INPP4B: variants seen among roughly 807,000 people sequenced by gnomAD.
INPP4B encodes the protein inositol polyphosphate 4-phosphatase type II.
Under a neutral mutation model 122.5 loss-of-function variants are expected in INPP4B, and 55 were observed. The observed-to-expected ratio is 0.45, with a 90% CI of 0.36 to 0.56. The LOEUF is 0.56. Among genes scored for constraint, INPP4B ranks in the 20% least tolerant of loss-of-function variants. The pLI is 0.00. For missense variants in INPP4B, 1,000 were observed against 1,097.7 expected, an observed-to-expected ratio of 0.91 and a Z score of 1.26; for synonymous variants, 403 against 388.7, an observed-to-expected ratio of 1.04 and a Z score of -0.43.
intron 2 of INPP4B, among the ~76,000 whole-genome samples, chr4:142,488,203 A>G (rs1165717500): frequency 6.6e-6 from 1 of 152,076 alleles, no homozygotes; most frequent in Admixed American, 6.6e-5. Context: ...ACAATACATG[A>G]TTAATTTTTA....
rs73850524 is a variant in INPP4B at position 142,646,099 on chromosome 4, C to T, written c.-191+79740G>A. 4.5e-3 allele frequency among the ~76,000 whole-genome samples: 692 copies of T among 152,172 alleles called. 7 individuals are homozygous for T. Among genetic ancestry groups the T allele is most frequent in the African/African-American group, 0.016 (665 of 41,498 alleles). The stretch of plus-strand genomic sequence containing the variant: ...CAAGAGCACCTTTTTGGATGATGGA[C>T]CCTTGCTATATTTTGTTTGTAGTCA... On this transcript the variant is annotated intron_variant, in intron 2 of 25. Coordinates refer to ENST00000262992, the MANE Select transcript of INPP4B (RefSeq NM_001101669.3).
At chr4:142,410,963 A>C (rs72944962) in intron 5 of INPP4B, among the ~76,000 whole-genome samples, 2,262 of 152,248 alleles carry the variant, frequency 0.015, 52 homozygotes, top group African/African-American at 0.052. Context: ...TTAAATATAT[A>C]CCTGTGATTT....
intron 11 of INPP4B, among the ~76,000 whole-genome samples, chr4:142,245,972 ACATG>A (rs1728217962): frequency 4.4e-5 from 1 of 22,538 alleles, no homozygotes; most frequent in Non-Finnish European, 1.1e-4. Context: ...ATGTATACAC[ACATG>A]TGTGTATGTA....
At chr4:142,644,526 T>G (rs1236067465) in intron 2 of INPP4B, among the ~76,000 whole-genome samples, 1 of 151,884 alleles carries the variant, frequency 6.6e-6, no homozygotes, top group East Asian at 1.9e-4. Flanking sequence ...GGTATTATTG[T>G]CAACTAGCTT....
intron 3 of INPP4B, among the ~76,000 whole-genome samples, chr4:142,452,119 G>T (rs1164384020): frequency 2.0e-5 from 3 of 152,284 alleles, no homozygotes; most frequent in African/African-American, 7.2e-5. Context: ...TGATCTCATT[G>T]TTCAGTTCCC....
chr4:142,377,731 G>T lies in INPP4B; in HGVS notation c.372+25207C>A, dbSNP rs555300254. Among the ~76,000 whole-genome samples the T allele has an allele frequency of 8.5e-5, 13 of 152,218 alleles. No homozygotes were observed. In the South Asian group the frequency reaches 2.7e-3, roughly 32 times the overall value. On this transcript the variant is annotated intron_variant, in intron 7 of 25. Coordinates refer to ENST00000262992, the MANE Select transcript of INPP4B (RefSeq NM_001101669.3). ...TCAAAAAAATACTCAAGAAATGAAT[G>T]TTGGACTATCAGAATGCAGAGTATT... is the stretch of plus-strand genomic sequence containing the variant.
At chr4:142,210,799 A>C (rs1844552812) in intron 12 of INPP4B, among the ~76,000 whole-genome samples, 1 of 152,196 alleles carries the variant, frequency 6.6e-6, no homozygotes, top group African/African-American at 2.4e-5. Context: ...TTATTATCAG[A>C]AAGAATAAGT....
intron 2 of INPP4B, among the ~76,000 whole-genome samples, chr4:142,490,337 C>T (rs1821725469): frequency 6.6e-6 from 1 of 152,140 alleles, no homozygotes; most frequent in African/African-American, 2.4e-5. Context: ...GATCCTCCAG[C>T]ATTGGCCTCC....
intron 2 of INPP4B, among the ~76,000 whole-genome samples, chr4:142,552,430 T>TA (rs560749007): frequency 0.025 from 3,591 of 144,020 alleles, 117 homozygotes; most frequent in African/African-American, 0.082. Flanking sequence ...CTTGAAGTCT[T>TA]AAAAAAAAAA....
At chr4:142,041,346 G>A (rs914105495) in intron 25 of INPP4B, among the ~76,000 whole-genome samples, 4 of 152,012 alleles carry the variant, frequency 2.6e-5, no homozygotes, top group South Asian at 2.1e-4. Flanking sequence ...TGCCAGGTAC[G>A]GTGGCTTATG....
intron 2 of INPP4B, among the ~76,000 whole-genome samples, chr4:142,478,729 A>G (rs1430301927): frequency 8.5e-5 from 13 of 152,142 alleles, no homozygotes; most frequent in Admixed American, 7.9e-4. Context: ...TTCATCAAGG[A>G]TATTGGCCTA....
chr4:142,777,606 CAT>C (rs1322904086), intron 1 of INPP4B, among the ~76,000 whole-genome samples: 2 of 152,150 alleles, frequency 1.3e-5, no homozygotes, highest in Non-Finnish European at 2.9e-5. Flanking sequence ...AGGTAATAAA[CAT>C]GTGTTGTTTC....
At chr4:142,612,817 T>G (rs1195854302) in intron 2 of INPP4B, among the ~76,000 whole-genome samples, 3 of 152,150 alleles carry the variant, frequency 2.0e-5, no homozygotes, top group Non-Finnish European at 2.9e-5. Flanking sequence ...TAACACCCTA[T>G]GAAATTGGTG....
At chr4:142,189,816 T>C (rs1023282038) in intron 15 of INPP4B, among the ~76,000 whole-genome samples, 4 of 152,196 alleles carry the variant, frequency 2.6e-5, no homozygotes, top group Non-Finnish European at 4.4e-5. Flanking sequence ...AAATCATGGA[T>C]GCTTTGAATG....
rs1001258830 is a variant in INPP4B, at chr4:142,024,323, T to C, written c.*4459A>G. 1.3e-5 allele frequency: 2 copies of C among 152,124 alleles called. No individual in the cohort carries two copies. The highest frequency in any genetic ancestry group is 4.8e-5 in the African/African-American group (2 of 41,434). The allele number at this position is 152,124 out of a possible 1,614,324, so 9.4% of individuals were successfully genotyped here. On this transcript the variant is annotated 3_prime_UTR_variant, in exon 26 of 26. Coordinates refer to ENST00000262992, the MANE Select transcript of INPP4B (RefSeq NM_001101669.3). ...TGGGAAAAAGCATAGCTTATGTAGATTGCTGCTGGGTTAAATGAATATGAA... is the reference window on the plus strand; with the variant it reads ...TGGGAAAAAGCATAGCTTATGTAGACTGCTGCTGGGTTAAATGAATATGAA...
At chr4:142,799,307 C>T (rs977131130) in intron 1 of INPP4B, among the ~76,000 whole-genome samples, 6 of 151,756 alleles carry the variant, frequency 4.0e-5, no homozygotes, top group Non-Finnish European at 5.9e-5. Context: ...CATTTTTCAA[C>T]AATTTTAAAT....
At chr4:142,314,060 A>G (rs1463506088) in intron 8 of INPP4B, among the ~76,000 whole-genome samples, 1 of 152,196 alleles carries the variant, frequency 6.6e-6, no homozygotes, top group African/African-American at 2.4e-5. Flanking sequence ...CTTAGACCTA[A>G]TTAACTTCTG....
At chr4:142,527,866 T>C (rs991094453) in intron 2 of INPP4B, among the ~76,000 whole-genome samples, 4 of 152,132 alleles carry the variant, frequency 2.6e-5, no homozygotes, top group African/African-American at 9.6e-5. Context: ...TTTTTTAAAC[T>C]GTGTTAACGT....
chr4:142,745,940 T>A (rs1768673817), intron 1 of INPP4B, among the ~76,000 whole-genome samples: 1 of 151,840 alleles, frequency 6.6e-6, no homozygotes, highest in Admixed American at 6.6e-5. Flanking sequence ...CAAAAACTGA[T>A]CAAGATAGAG....
Sources: gnomAD v4.1 joint callset for allele counts (sites outside exome capture counted in the v4.1 genomes callset) on GRCh38, gnomAD v4.1.1 for gene constraint, MANE v1.5 for transcripts, NCBI Gene and HGNC (gene_info 2026-07-23, HGNC 2026-07-21) for gene names.